Variants in LAMA1 observed in about 807,000 individuals in gnomAD.
LAMA1 encodes laminin subunit alpha-1.
A neutral mutation model predicts 348.7 loss-of-function variants in LAMA1; 219 were observed. The ratio of observed to expected loss-of-function variants is 0.63; its 90% CI spans 0.56 to 0.70. LAMA1 has a LOEUF of 0.70. LAMA1 is among the 30% of genes least tolerant of loss of function. LAMA1 has a pLI of 0.00. For synonymous variants in LAMA1, 1,487 were observed against 1,491.0 expected (o/e 1.00, Z 0.06); for missense variants, 3,744 against 3,888.0 (o/e 0.96, Z 0.99).
rs201400544 is a variant in LAMA1 at position 7,036,041 on chromosome 18, A to G, written c.1785T>C (p.Ile595=). 3.2e-5 allele frequency: 52 copies of G among 1,614,214 alleles called. No homozygotes were observed. In the East Asian group the frequency reaches 1.1e-3, roughly 35 times the overall value. ...GFLKYTVSYD[I]PVETVDSNLM... is the part of the protein sequence containing the mutation. ...GGTTACTGTCTACCGTCTCTACCGG[A>G]ATATCGTAGGACACCGTGTATTTCA... Residue 595 remains isoleucine, a synonymous_variant, in exon 13 of 63, where the codon ATT becomes ATC. Coordinates refer to ENST00000389658, the MANE Select transcript of LAMA1 (RefSeq NM_005559.4).
intron 15 of LAMA1, 36 bp from the exon 16 acceptor site, chr18:7,032,212 C>T (rs560198326): frequency 4.4e-5 from 62 of 1,412,894 alleles, no homozygotes; most frequent in Admixed American, 3.2e-4. Context: ...CTTTCCACTA[C>T]GTTACAAACA....
At chr18:6,962,139 G>A (rs755585950) in intron 51 of LAMA1, 80 bp from the exon 52 acceptor site, 35 of 969,974 alleles carry the variant, frequency 3.6e-5, no homozygotes, top group Non-Finnish European at 5.4e-5. Flanking sequence ...CAAAGCCACT[G>A]GGCAAGGCAC....
rs2058257070 is a variant in LAMA1 at position 7,095,405 on chromosome 18, A to G, written c.62-14948T>C. On this transcript the variant is annotated intron_variant, in intron 1 of 62. Coordinates refer to ENST00000389658, the MANE Select transcript of LAMA1 (RefSeq NM_005559.4). ...TACTCAAATGGTCTATCCTCACTAC[A>G]CCCCCCACTATGATGTACACACAGA... Among the ~76,000 whole-genome samples, 4 of 151,830 alleles carry G rather than the reference A, an allele frequency of 2.6e-5. No homozygotes were observed. In the South Asian group the frequency reaches 8.3e-4, roughly 32 times the overall value.
At chr18:7,111,428 T>G (rs1299882297) in intron 1 of LAMA1, among the ~76,000 whole-genome samples, 1 of 152,218 alleles carries the variant, frequency 6.6e-6, no homozygotes, top group African/African-American at 2.4e-5. Flanking sequence ...AAAGCTCTCC[T>G]GAGCCAGCCT....
chr18:7,011,349 C>A lies in LAMA1; in HGVS notation c.3638G>T (p.Arg1213Leu), dbSNP rs756645560. The A allele has an allele frequency of 1.2e-6, 2 of 1,612,346 alleles. No homozygotes were observed. Among genetic ancestry groups the A allele is most frequent in the Admixed American group, 1.7e-5 (1 of 59,882 alleles). Reference sequence around the variant, plus strand: ...CAGCCGCCAGTAAAACGGCTCTGCACGGATGTGCTGCCGGACGGTGGCGGC... The same window carrying A: ...CAGCCGCCAGTAAAACGGCTCTGCAAGGATGTGCTGCCGGACGGTGGCGGC... ...LDAATVRQHIRAEPFYWRLPQ... is the reference protein window; with the variant it reads ...LDAATVRQHILAEPFYWRLPQ... Residue 1213 changes from arginine (R) to leucine (L), a missense_variant, in exon 25 of 63, where the codon CGT becomes CTT. Physicochemically the swap from Arg to Leu is moderately radical, Grantham distance 102 (BLOSUM62 -2). This residue lies in a region of LAMA1 where 1,529 missense variants were observed against 1,689.4 expected (regional missense o/e 0.91). Coordinates refer to ENST00000389658, the MANE Select transcript of LAMA1 (RefSeq NM_005559.4).
chr18:7,093,118 T>C (rs1330393058), intron 1 of LAMA1, among the ~76,000 whole-genome samples: 1 of 152,144 alleles, frequency 6.6e-6, no homozygotes, highest in African/African-American at 2.4e-5. Flanking sequence ...GATAATGGTA[T>C]TAAAAAGGCG....
intron 3 of LAMA1, among the ~76,000 whole-genome samples, chr18:7,070,931 T>A (rs1362092431): frequency 2.1e-5 from 3 of 145,804 alleles, no homozygotes; most frequent in African/African-American, 7.5e-5. Flanking sequence ...ACACGTTAGG[T>A]AGCACCCAAT....
intron 51 of LAMA1, 84 bp from the exon 52 acceptor site, chr18:6,962,143 A>C: frequency 1.1e-5 from 10 of 905,326 alleles, no homozygotes; most frequent in Non-Finnish European, 1.9e-5. Context: ...GCCACTGGGC[A>C]AGGCACAGTG....
intron 3 of LAMA1, among the ~76,000 whole-genome samples, chr18:7,078,026 T>A (rs1275170579): frequency 7.4e-6 from 1 of 134,280 alleles, no homozygotes; most frequent in Non-Finnish European, 1.5e-5. Flanking sequence ...ATCCAGCCAC[T>A]GCACTCCAGC....
intron 13 of LAMA1, 28 bp downstream of exon 13, chr18:7,035,959 A>G: frequency 6.4e-7 from 1 of 1,561,018 alleles, no homozygotes; most frequent in Non-Finnish European, 8.8e-7. Context: ...CCTAAGCTCT[A>G]TAGCAGAATC....
chr18:7,008,961 T>C (rs540915899), intron 27 of LAMA1, among the ~76,000 whole-genome samples: 1 of 152,228 alleles, frequency 6.6e-6, no homozygotes, highest in Non-Finnish European at 1.5e-5. Flanking sequence ...TCAGTTTTCA[T>C]GTGCAGAAAC....
rs527953783 is a variant in LAMA1 at position 7,091,964 on chromosome 18, C to T, written c.62-11507G>A. 1.1e-4 allele frequency among the ~76,000 whole-genome samples: 16 copies of T among 152,330 alleles called. No homozygotes were observed. In the East Asian group the frequency reaches 3.1e-3, roughly 29 times the overall value. On this transcript the variant is annotated intron_variant, in intron 1 of 62. Transcript: ENST00000389658. The stretch of plus-strand genomic sequence containing the variant: ...CACAGGATTAGAGCTACTTTTATTC[C>T]AGTACATATCTAAAGGGTCATCTTA...
intron 39 of LAMA1, 110 bp downstream of exon 39, chr18:6,985,127 T>C: frequency 7.6e-7 from 1 of 1,308,820 alleles, no homozygotes; most frequent in Non-Finnish European, 1.1e-6. Context: ...ACAGGAGTGC[T>C]CATTTTTACA....
At chr18:7,042,376 G>A (rs1037915523) in intron 8 of LAMA1, 126 bp from the exon 9 acceptor site, 1 of 690,690 alleles carries the variant, frequency 1.4e-6, no homozygotes, top group Non-Finnish European at 2.7e-6. Context: ...GTGCATGGGG[G>A]TGGGGGTTAG....
intron 42 of LAMA1, among the ~76,000 whole-genome samples, chr18:6,979,495 C>T (rs118008582): frequency 6.6e-5 from 10 of 152,216 alleles, no homozygotes; most frequent in East Asian, 5.8e-4. Flanking sequence ...TAGCAAGACA[C>T]GGTCTCTATA....
intron 36 of LAMA1, among the ~76,000 whole-genome samples, chr18:6,989,885 G>A (rs1251719781): frequency 1.3e-5 from 2 of 152,160 alleles, no homozygotes; most frequent in Non-Finnish European, 2.9e-5. Context: ...TCCCAGGCCT[G>A]CCTTGCAGAT....
intron 24 of LAMA1, 56 bp downstream of exon 24, chr18:7,011,939 C>T (rs1258138041): frequency 6.5e-7 from 1 of 1,548,160 alleles, no homozygotes. Context: ...CCACCCCCAC[C>T]CACCTCCCAG....
At chr18:7,078,473 C>A (rs1323158796) in intron 3 of LAMA1, among the ~76,000 whole-genome samples, 1 of 152,046 alleles carries the variant, frequency 6.6e-6, no homozygotes, top group Non-Finnish European at 1.5e-5. Flanking sequence ...GCTCTTTTCT[C>A]TTTTTCTTTA....
intron 39 of LAMA1, among the ~76,000 whole-genome samples, chr18:6,984,169 A>G (rs1439381275): frequency 6.6e-6 from 1 of 151,912 alleles, no homozygotes. Context: ...ACTGATCCCT[A>G]AGACATATTA....
Sources: allele counts gnomAD v4.1 joint callset (sites outside exome capture counted in the v4.1 genomes callset), GRCh38; gene constraint gnomAD v4.1.1; regional missense constraint gnomAD v4.1.1; transcripts MANE v1.5; gene names NCBI Gene and HGNC (gene_info 2026-07-23, HGNC 2026-07-21).